CNTNAP5: variants seen among roughly 807,000 people sequenced by gnomAD.
CNTNAP5 encodes contactin-associated protein-like 5.
CNTNAP5 carries 72 observed loss-of-function variants against 150.2 expected under a neutral mutation model. That is an observed-to-expected ratio of 0.48 (90% CI 0.40 to 0.58). The LOEUF (loss-of-function observed/expected upper bound fraction) is 0.58. Among genes scored for constraint, CNTNAP5 ranks in the 20% least tolerant of loss-of-function variants. The pLI is 0.00. For synonymous variants in CNTNAP5, 672 were observed against 619.8 expected, an observed-to-expected ratio of 1.08 and a Z score of -1.25; for missense variants, 1,636 against 1,626.2, an observed-to-expected ratio of 1.01 and a Z score of -0.10.
intron 1 of CNTNAP5, chr2:124,135,153 C>T (rs1683945672): frequency 6.6e-6 from 1 of 152,208 alleles, no homozygotes; most frequent in Non-Finnish European, 1.5e-5. Context: ...GACTCAAACA[C>T]TGTATAATTT....
At chr2:124,165,215 G>A (rs1231664507) in intron 1 of CNTNAP5, among the ~76,000 whole-genome samples, 1 of 152,160 alleles carries the variant, frequency 6.6e-6, no homozygotes, top group African/African-American at 2.4e-5. Flanking sequence ...GTCAGACCAG[G>A]ATTTGAATCC....
At chr2:124,249,233 C>A (rs1223215139) in intron 3 of CNTNAP5, among the ~76,000 whole-genome samples, 1 of 152,066 alleles carries the variant, frequency 6.6e-6, no homozygotes, top group Non-Finnish European at 1.5e-5. Context: ...AAATGTTTTA[C>A]CCCAAAATAT....
At chr2:124,538,091 G>A (rs765859611) in intron 10 of CNTNAP5, among the ~76,000 whole-genome samples, 11 of 152,280 alleles carry the variant, frequency 7.2e-5, no homozygotes, top group East Asian at 3.9e-4. Flanking sequence ...GTATTTTTGC[G>A]ATTGAGGTAC....
At chr2:124,361,306 G>A (rs1417089276) in intron 3 of CNTNAP5, among the ~76,000 whole-genome samples, 1 of 144,828 alleles carries the variant, frequency 6.9e-6, no homozygotes, top group African/African-American at 2.6e-5. Flanking sequence ...CCTTCTCTCA[G>A]CTCATCAAAG....
intron 3 of CNTNAP5, among the ~76,000 whole-genome samples, chr2:124,292,838 C>T (rs1406661): frequency 0.023 from 3,521 of 152,018 alleles, 116 homozygotes; most frequent in African/African-American, 0.074. Context: ...TCGTGGTCTA[C>T]AAAGAAGCCG....
chr2:124,614,564 T>G (rs1400718604), intron 12 of CNTNAP5, among the ~76,000 whole-genome samples: 1 of 152,188 alleles, frequency 6.6e-6, no homozygotes, highest in Non-Finnish European at 1.5e-5. Flanking sequence ...CTCCCCTTTT[T>G]AGACCATGTA....
chr2:124,153,477 T>C (rs953867284), intron 1 of CNTNAP5, among the ~76,000 whole-genome samples: 2 of 151,926 alleles, frequency 1.3e-5, no homozygotes, highest in South Asian at 2.1e-4. Flanking sequence ...TTCTGGAGGA[T>C]GGATGTCCAA....
At chr2:124,102,498 A>G (rs1204442853) in intron 1 of CNTNAP5, among the ~76,000 whole-genome samples, 1 of 152,146 alleles carries the variant, frequency 6.6e-6, no homozygotes, top group African/African-American at 2.4e-5. Flanking sequence ...AAGTCACTCA[A>G]TCTCTTTGGA....
intron 19 of CNTNAP5, among the ~76,000 whole-genome samples, chr2:124,825,183 T>C (rs1682567702): frequency 6.6e-6 from 1 of 152,232 alleles, no homozygotes. Flanking sequence ...ATCTACACTC[T>C]ATTTTCTTGT....
chr2:124,304,953 G>C (rs148737930), intron 3 of CNTNAP5, among the ~76,000 whole-genome samples: 1 of 151,852 alleles, frequency 6.6e-6, no homozygotes, highest in African/African-American at 2.4e-5. Context: ...GTTATCCCAG[G>C]AGTAAACAAA....
At chr2:124,553,857 C>A (rs1267805764) in intron 10 of CNTNAP5, among the ~76,000 whole-genome samples, 2 of 152,104 alleles carry the variant, frequency 1.3e-5, no homozygotes, top group Non-Finnish European at 2.9e-5. Context: ...AGGGTCAGCT[C>A]CCGGGCATTT....
chr2:124,454,591 T>C (rs1693069476), intron 6 of CNTNAP5, among the ~76,000 whole-genome samples: 1 of 152,038 alleles, frequency 6.6e-6, no homozygotes, highest in African/African-American at 2.4e-5. Flanking sequence ...ACCACAGGTA[T>C]TCTATTCAAC....
chr2:124,714,510 A>C (rs1170081906), intron 13 of CNTNAP5, among the ~76,000 whole-genome samples: 1 of 152,074 alleles, frequency 6.6e-6, no homozygotes, highest in Non-Finnish European at 1.5e-5. Context: ...GTGTTACTTC[A>C]AAGGCAAAGG....
Position 124,038,577 on chromosome 2 carries a change from G to A in CNTNAP5, c.82+12845G>A, listed in dbSNP as rs561196149. ...TCTCAAAAATAATTAGCCTTTCAAG[G>A]AATGAAGCCTTAAATATTTAAATTT... On this transcript the variant is annotated intron_variant, in intron 1 of 23. Coordinates refer to ENST00000682447, the MANE Select transcript of CNTNAP5 (RefSeq NM_001367498.1). Among the ~76,000 whole-genome samples the A allele has an allele frequency of 6.6e-5, 10 of 152,202 alleles. No homozygotes were observed. The South Asian group carries it at 2.1e-3, about 32-fold the overall frequency.
At chr2:124,523,199 G>C (rs1221467941) in intron 8 of CNTNAP5, among the ~76,000 whole-genome samples, 1 of 152,092 alleles carries the variant, frequency 6.6e-6, no homozygotes, top group African/African-American at 2.4e-5. Context: ...GAACTATTCT[G>C]CATACACTGC....
intron 1 of CNTNAP5, among the ~76,000 whole-genome samples, chr2:124,155,460 G>T (rs145839259): frequency 1.1e-4 from 16 of 151,912 alleles, no homozygotes; most frequent in Admixed American, 2.0e-4. Context: ...GTGTGTGCGC[G>T]CGTGTGTGGT....
At chr2:124,831,484 C>G (rs1682715422) in intron 19 of CNTNAP5, among the ~76,000 whole-genome samples, 1 of 151,320 alleles carries the variant, frequency 6.6e-6, no homozygotes. Flanking sequence ...CAAAATGATG[C>G]ATTTTTATGC....
At chr2:124,871,450 T>G (rs1677746783) in intron 21 of CNTNAP5, among the ~76,000 whole-genome samples, 1 of 152,120 alleles carries the variant, frequency 6.6e-6, no homozygotes, top group Non-Finnish European at 1.5e-5. Context: ...CAGGTATACA[T>G]GTCTCTCCCC....
At chr2:124,823,934 T>C (rs1035166633) in intron 19 of CNTNAP5, among the ~76,000 whole-genome samples, 54 of 151,974 alleles carry the variant, frequency 3.6e-4, no homozygotes, top group African/African-American at 1.2e-3. Flanking sequence ...TTTTTTTTTT[T>C]TGAGACGGAG....
Sources: gnomAD v4.1 joint callset for allele counts (sites outside exome capture counted in the v4.1 genomes callset) on GRCh38, gnomAD v4.1.1 for gene constraint, MANE v1.5 for transcripts, NCBI Gene and HGNC (gene_info 2026-07-23, HGNC 2026-07-21) for gene names.